The following LRP1B variants were observed in gnomAD, a reference collection of about 807,000 sequenced individuals.
LRP1B encodes LDL receptor related protein 1B, also known as low-density lipoprotein receptor-related protein 1B.
LRP1B carries 217 observed loss-of-function variants against 556.6 expected under a neutral mutation model. The observed-to-expected ratio is 0.39, with a 90% CI of 0.35 to 0.44. The LOEUF is 0.44. LRP1B is among the 20% of genes least tolerant of loss of function. LRP1B has a pLI of 1.00. For synonymous variants in LRP1B, 2,047 were observed against 1,865.8 expected (o/e 1.10, Z -2.50); for missense variants, 5,053 against 5,620.8 (o/e 0.90, Z 3.23).
chr2:141,394,483 C>A (rs1187856826), intron 3 of LRP1B, among the ~76,000 whole-genome samples: 5 of 151,980 alleles, frequency 3.3e-5, no homozygotes, highest in East Asian at 3.9e-4. Flanking sequence ...TAAAAAAAAT[C>A]TTTTGAAATC....
chr2:141,202,983 G>T (rs1682105458), intron 6 of LRP1B, among the ~76,000 whole-genome samples: 1 of 151,884 alleles, frequency 6.6e-6, no homozygotes, highest in South Asian at 2.1e-4. Context: ...GCGATACTTG[G>T]TTTTCTATTC....
In LRP1B at chr2:140,270,991, T is replaced by A. The variant is rs150202890; in HGVS notation, c.13143-645A>T. 2.0e-5 allele frequency among the ~76,000 whole-genome samples: 3 copies of A among 152,048 alleles called. No individual in the cohort carries two copies. The East Asian group carries it at 5.8e-4, about 30-fold the overall frequency. On this transcript the variant is annotated intron_variant, in intron 85 of 90. Coordinates refer to ENST00000389484, the MANE Select transcript of LRP1B (RefSeq NM_018557.3). The stretch of plus-strand genomic sequence containing the variant: ...AATGTGCAATATGGCAACAAAGTAA[T>A]GAGACAGGCTTTCTTGAAAAACTTA...
At chr2:140,270,542 C>T (rs1019408667) in intron 85 of LRP1B, among the ~76,000 whole-genome samples, 196 bp from the exon 86 acceptor site, 1 of 151,822 alleles carries the variant, frequency 6.6e-6, no homozygotes, top group African/African-American at 2.4e-5. Flanking sequence ...TAAAATTTTT[C>T]TTCTGATAAT....
At chr2:141,853,562 T>A (rs948838399) in intron 1 of LRP1B, among the ~76,000 whole-genome samples, 1 of 151,854 alleles carries the variant, frequency 6.6e-6, no homozygotes, top group African/African-American at 2.4e-5. Context: ...ACAAAAACTC[T>A]TTAAAGCTAA....
At chr2:141,707,508 T>C (rs915588881) in intron 2 of LRP1B, among the ~76,000 whole-genome samples, 2 of 152,126 alleles carry the variant, frequency 1.3e-5, no homozygotes, top group Non-Finnish European at 2.9e-5. Flanking sequence ...TTTAAGGGAT[T>C]TGGGGCATCA....
intron 3 of LRP1B, among the ~76,000 whole-genome samples, chr2:141,341,680 C>A (rs1029909558): frequency 6.6e-6 from 1 of 152,142 alleles, no homozygotes; most frequent in Non-Finnish European, 1.5e-5. Context: ...CCAAAGAATG[C>A]GGATGGAAAT....
intron 57 of LRP1B, among the ~76,000 whole-genome samples, chr2:140,491,121 G>T (rs897158212): frequency 2.0e-5 from 3 of 152,100 alleles, no homozygotes; most frequent in African/African-American, 7.2e-5. Flanking sequence ...CACATTATCT[G>T]TGAAAGACAA....
chr2:142,079,239 C>G (rs896550851), intron 1 of LRP1B, among the ~76,000 whole-genome samples: 1 of 152,040 alleles, frequency 6.6e-6, no homozygotes, highest in Non-Finnish European at 1.5e-5. Flanking sequence ...AATTTTTTCA[C>G]AGATATAAGC....
rs949369631 is a variant in LRP1B at position 141,874,872 on chromosome 2, C to A, written c.83-64471G>T. On this transcript the variant is annotated intron_variant, in intron 1 of 90. Coordinates refer to ENST00000389484, the MANE Select transcript of LRP1B (RefSeq NM_018557.3). ...GATTGTTTGAAATTTAGTATGTGGA[C>A]ACTAAGAACTTTATACATTTAACTG... Among the ~76,000 whole-genome samples, 15 of 151,872 alleles carry A rather than the reference C, an allele frequency of 9.9e-5. No individual in the cohort carries two copies. In the South Asian group the frequency reaches 2.1e-3, roughly 21 times the overall value.
intron 3 of LRP1B, among the ~76,000 whole-genome samples, chr2:141,323,467 A>G (rs1687316715): frequency 6.6e-6 from 1 of 152,124 alleles, no homozygotes; most frequent in Admixed American, 6.6e-5. Flanking sequence ...ATTTGAACCC[A>G]AATTCTTGTC....
At chr2:140,855,932 C>A (rs571709625) in intron 27 of LRP1B, among the ~76,000 whole-genome samples, 140 of 152,308 alleles carry the variant, frequency 9.2e-4, no homozygotes, top group African/African-American at 3.3e-3. Flanking sequence ...CAAATTTAAT[C>A]CTTTCTCAAG....
At chr2:141,771,273 C>A (rs1282335893) in intron 2 of LRP1B, among the ~76,000 whole-genome samples, 4 of 151,148 alleles carry the variant, frequency 2.6e-5, no homozygotes, top group Non-Finnish European at 5.9e-5. Context: ...CCAAAAAAAA[C>A]TAGTTGGATA....
intron 20 of LRP1B, among the ~76,000 whole-genome samples, chr2:140,935,500 G>C (rs1695176203): frequency 6.6e-6 from 1 of 151,622 alleles, no homozygotes; most frequent in South Asian, 2.1e-4. Context: ...AGGAAAAGAG[G>C]GAAAAAAATC....
chr2:141,086,298 C>T (rs1318560012), intron 7 of LRP1B, among the ~76,000 whole-genome samples: 2 of 152,124 alleles, frequency 1.3e-5, no homozygotes, highest in Non-Finnish European at 2.9e-5. Context: ...TTTTCTACAT[C>T]TAAATTTCTT....
At chr2:141,398,902 G>A (rs933193165) in intron 3 of LRP1B, among the ~76,000 whole-genome samples, 1 of 152,064 alleles carries the variant, frequency 6.6e-6, no homozygotes, top group African/African-American at 2.4e-5. Context: ...AGTTCCAGCT[G>A]GCTTACAGAG....
intron 2 of LRP1B, among the ~76,000 whole-genome samples, chr2:141,571,718 G>T (rs1459426457): frequency 1.3e-5 from 2 of 150,786 alleles, no homozygotes. Context: ...AGAACAACCA[G>T]TTTAGAGAGG....
At chr2:142,082,678 T>C (rs560733904) in intron 1 of LRP1B, among the ~76,000 whole-genome samples, 4 of 152,212 alleles carry the variant, frequency 2.6e-5, no homozygotes, top group African/African-American at 4.8e-5. Flanking sequence ...CAATCACTTC[T>C]CTCTCAGCTT....
intron 3 of LRP1B, among the ~76,000 whole-genome samples, chr2:141,446,245 T>A (rs1681188398): frequency 6.6e-6 from 1 of 152,170 alleles, no homozygotes; most frequent in Non-Finnish European, 1.5e-5. Flanking sequence ...GCTCTTTTTT[T>A]TGCTTTTGAT....
chr2:141,773,538 G>A (rs1377558773), intron 2 of LRP1B, among the ~76,000 whole-genome samples: 3 of 152,222 alleles, frequency 2.0e-5, no homozygotes, highest in Non-Finnish European at 4.4e-5. Flanking sequence ...GAATACCTAA[G>A]GACATCTGTG....
Sources: gnomAD v4.1 joint callset for allele counts (sites outside exome capture counted in the v4.1 genomes callset) on GRCh38, gnomAD v4.1.1 for gene constraint, MANE v1.5 for transcripts, NCBI Gene and HGNC (gene_info 2026-07-23, HGNC 2026-07-21) for gene names.